Variants in OR2L13 observed in about 807,000 individuals in gnomAD.
OR2L13 encodes the protein olfactory receptor family 2 subfamily L member 13.
In OR2L13, 14 loss-of-function variants were observed where a neutral mutation model predicts 15.3. The ratio of observed to expected loss-of-function variants is 0.91; its 90% CI spans 0.60 to 1.43. OR2L13 has a LOEUF of 1.43. OR2L13 is among the 40% of genes most tolerant of loss of function. The probability of loss-of-function intolerance (pLI) is 0.00; values close to 1 mark genes in which losing one functional copy is unlikely to be tolerated. For missense variants in OR2L13, 367 were observed against 387.9 expected, an observed-to-expected ratio of 0.95 and a Z score of 0.45; for synonymous variants, 152 against 142.9, an observed-to-expected ratio of 1.06 and a Z score of -0.45.
Position 248,100,236 on chromosome 1 carries a change from T to C in OR2L13, c.861T>C (p.Ile287=), listed in dbSNP as rs138399003. 51 of 1,613,376 alleles carry C rather than the reference T, an allele frequency of 3.2e-5. No individual in the cohort carries two copies. The African/African-American group carries it at 6.0e-4, about 19-fold the overall frequency. ...TCCTTACCCCCATGCTCAATCCCAT[T>C]ATCTACAGCCTGAGGAATAAGGAAG... is the stretch of plus-strand genomic sequence containing the variant. The change falls in exon 3 of 3, where the codon ATT becomes ATC. Residue 287 remains isoleucine (I), a synonymous_variant. Coordinates refer to ENST00000641714, the Ensembl canonical transcript of OR2L13.
chr1:248,093,111 G>A (rs1373749076), upstream of OR2L13, among the ~76,000 whole-genome samples: 1 of 152,044 alleles, frequency 6.6e-6, no homozygotes, highest in African/African-American at 2.4e-5. Flanking sequence ...TACAGTTCAT[G>A]GAAGAAAAGT....
At chr1:248,003,884 A>G in the OR2L13 span, 5,149 of 1,575,528 alleles carry the variant, frequency 3.3e-3, 127 homozygotes, top group African/African-American at 0.055. Flanking sequence ...TTTCTACTAT[A>G]CACCTTTTGT....
At chr1:247,945,210 T>C in the OR2L13 span, among the ~76,000 whole-genome samples, 1 of 152,192 alleles carries the variant, frequency 6.6e-6, no homozygotes, top group Non-Finnish European at 1.5e-5. Context: ...AGTTGTCTCT[T>C]TGTTTTCATT....
At chr1:247,958,364 A>G in the OR2L13 span, among the ~76,000 whole-genome samples, 1 of 152,274 alleles carries the variant, frequency 6.6e-6, no homozygotes, top group Admixed American at 6.5e-5. Flanking sequence ...ACTTCCAACT[A>G]TGTGGTCAAT....
At chr1:247,976,414 G>A in the OR2L13 span, among the ~76,000 whole-genome samples, 3 of 152,130 alleles carry the variant, frequency 2.0e-5, no homozygotes, top group Non-Finnish European at 4.4e-5. Flanking sequence ...TACCTGCTTA[G>A]GCATGTGCCT....
the OR2L13 span, chr1:248,063,213 G>A: frequency 5.9e-5 from 9 of 152,320 alleles, no homozygotes; most frequent in African/African-American, 2.2e-4. Flanking sequence ...TCCAATCCAT[G>A]AGCATTGGAT....
the OR2L13 span, among the ~76,000 whole-genome samples, chr1:248,074,552 A>G: frequency 5.9e-5 from 9 of 152,268 alleles, no homozygotes; most frequent in East Asian, 1.5e-3. Flanking sequence ...TACACCAACA[A>G]CGTTCAAGCT....
At chr1:247,965,377 A>C in the OR2L13 span, 14 of 1,608,270 alleles carry the variant, frequency 8.7e-6, no homozygotes, top group Non-Finnish European at 7.6e-6. Context: ...GGTTTCAGCC[A>C]TGAAAACAGG....
At chr1:248,039,163 C>T in the OR2L13 span, 18 of 1,612,222 alleles carry the variant, frequency 1.1e-5, no homozygotes, top group East Asian at 3.6e-4. Flanking sequence ...GTGATGGGGG[C>T]CCTGACACAA....
chr1:247,971,837 C>T, the OR2L13 span, among the ~76,000 whole-genome samples: 1 of 152,266 alleles, frequency 6.6e-6, no homozygotes, highest in South Asian at 2.1e-4. Flanking sequence ...CAACACATAA[C>T]CCTTATTCTA....
At chr1:248,089,828 C>T in the OR2L13 span, among the ~76,000 whole-genome samples, 2 of 152,144 alleles carry the variant, frequency 1.3e-5, no homozygotes, top group African/African-American at 4.8e-5. Context: ...AAGTCACACC[C>T]ATGGATGAGA....
At chr1:248,016,781 TTATG>T in the OR2L13 span, among the ~76,000 whole-genome samples, 17 of 152,116 alleles carry the variant, frequency 1.1e-4, no homozygotes, top group South Asian at 3.5e-3. Context: ...GTATATAAAC[TTATG>T]TATGTATGTG....
the OR2L13 span, chr1:247,990,597 A>G: frequency 2.6e-6 from 4 of 1,553,784 alleles, no homozygotes; most frequent in African/African-American, 1.4e-5. Flanking sequence ...CAGGTGCAGA[A>G]GCGCTGCTCC....
chr1:248,048,392 T>G, the OR2L13 span, among the ~76,000 whole-genome samples: 1 of 152,196 alleles, frequency 6.6e-6, no homozygotes, highest in Admixed American at 6.5e-5. Context: ...TTATGTACTG[T>G]GTCTCTTCTT....
chr1:247,962,022 A>G, the OR2L13 span, among the ~76,000 whole-genome samples: 2 of 152,232 alleles, frequency 1.3e-5, no homozygotes, highest in Non-Finnish European at 2.9e-5. Flanking sequence ...CAGTGTGATC[A>G]TATGATCCCT....
chr1:248,070,653 C>CA, the OR2L13 span, among the ~76,000 whole-genome samples: 2 of 151,896 alleles, frequency 1.3e-5, no homozygotes, highest in East Asian at 1.9e-4. Flanking sequence ...AATAGAGACA[C>CA]AAAAAACCCT....
chr1:248,052,178 T>C, the OR2L13 span, among the ~76,000 whole-genome samples: 1 of 152,238 alleles, frequency 6.6e-6, no homozygotes, highest in Non-Finnish European at 1.5e-5. Context: ...TTAGGATTTT[T>C]ATTCATTTTG....
chr1:248,062,512 T>C, the OR2L13 span: 1 of 152,174 alleles, frequency 6.6e-6, no homozygotes, highest in African/African-American at 2.4e-5. Flanking sequence ...AGAGCTAGAA[T>C]TTTTAAAAAC....
the OR2L13 span, among the ~76,000 whole-genome samples, chr1:248,070,068 A>G: frequency 6.6e-6 from 1 of 152,106 alleles, no homozygotes; most frequent in Admixed American, 6.5e-5. Flanking sequence ...CAGATCAATG[A>G]GACAGAAAGT....
Sources: gnomAD v4.1 joint callset for allele counts (sites outside exome capture counted in the v4.1 genomes callset) on GRCh38, gnomAD v4.1.1 for gene constraint, MANE v1.5 for transcripts, NCBI Gene and HGNC (gene_info 2026-07-23, HGNC 2026-07-21) for gene names.